Variants in CNTNAP2 observed in about 807,000 individuals in gnomAD.
CNTNAP2 encodes contactin associated protein 2, also known as contactin-associated protein-like 2.
Under a neutral mutation model 155.2 loss-of-function variants are expected in CNTNAP2, and 98 were observed. The observed-to-expected ratio is 0.63, with a 90% confidence interval of 0.54 to 0.75. CNTNAP2 has a LOEUF of 0.75. Among genes scored for constraint, CNTNAP2 ranks in the 30% least tolerant of loss-of-function variants. The pLI, the probability that CNTNAP2 is intolerant of heterozygous loss-of-function variation, is 0.00. For missense variants in CNTNAP2, 1,727 were observed against 1,688.1 expected (o/e 1.02, Z -0.40); for synonymous variants, 651 against 631.2 (o/e 1.03, Z -0.47).
At chr7:148,223,102 C>G (rs1795782007) in intron 19 of CNTNAP2, among the ~76,000 whole-genome samples, 1 of 152,198 alleles carries the variant, frequency 6.6e-6, no homozygotes, top group East Asian at 1.9e-4. Flanking sequence ...ACCCCTCAAG[C>G]ACTCTGTGGT....
chr7:147,742,697 G>A (rs1341679422), intron 13 of CNTNAP2, among the ~76,000 whole-genome samples: 4 of 152,158 alleles, frequency 2.6e-5, no homozygotes, highest in Non-Finnish European at 4.4e-5. Flanking sequence ...AGAATTCTAC[G>A]TATCTTTTCC....
At chr7:147,190,698 AC>A in intron 8 of CNTNAP2, among the ~76,000 whole-genome samples, 1 of 152,346 alleles carries the variant, frequency 6.6e-6, no homozygotes, top group Non-Finnish European at 1.5e-5. Flanking sequence ...ATCACCATGA[AC>A]AATGAGGTAC....
At chr7:146,144,050 C>A (rs1797921157) in intron 1 of CNTNAP2, among the ~76,000 whole-genome samples, 1 of 152,200 alleles carries the variant, frequency 6.6e-6, no homozygotes, top group Non-Finnish European at 1.5e-5. Context: ...GTGTGAGCCA[C>A]CATGCCCAGC....
Position 146,163,569 on chromosome 7 carries a change from A to G in CNTNAP2, c.97+46596A>G, listed in dbSNP as rs1052222395. 3.8e-5 allele frequency among the ~76,000 whole-genome samples: 4 copies of G among 106,654 alleles called. No homozygotes were observed. The South Asian group carries it at 8.8e-4, about 23-fold the overall frequency. The allele number at this position is 106,654 out of a possible 152,430, so 70.0% of individuals were successfully genotyped here. A position where few individuals can be genotyped will look rare whatever the true frequency, so the allele number is the denominator to read the frequency against. ...TATATATCTATATCTATATCTATCT[A>G]TATCTATCTATCTATCTATATATAT... On this transcript the variant is annotated intron_variant, in intron 1 of 23. Coordinates refer to ENST00000361727, the MANE Select transcript of CNTNAP2 (RefSeq NM_014141.6).
At chr7:146,130,690 A>G (rs1347741619) in intron 1 of CNTNAP2, among the ~76,000 whole-genome samples, 1 of 152,202 alleles carries the variant, frequency 6.6e-6, no homozygotes, top group Non-Finnish European at 1.5e-5. Flanking sequence ...ACACTGCTAT[A>G]AAGGAATACC....
chr7:147,851,746 A>T (rs1487330025), intron 13 of CNTNAP2, among the ~76,000 whole-genome samples: 3 of 126,290 alleles, frequency 2.4e-5, no homozygotes, highest in African/African-American at 9.0e-5. Context: ...AACATCACAC[A>T]CCAAGGCCTG....
chr7:148,167,518 C>T (rs939314505), intron 17 of CNTNAP2, among the ~76,000 whole-genome samples: 4 of 151,914 alleles, frequency 2.6e-5, no homozygotes, highest in Non-Finnish European at 4.4e-5. Flanking sequence ...AGTCAGACAT[C>T]GGTGCAAAGA....
At chr7:147,297,510 T>A (rs1794854409) in intron 8 of CNTNAP2, among the ~76,000 whole-genome samples, 1 of 152,108 alleles carries the variant, frequency 6.6e-6, no homozygotes, top group Non-Finnish European at 1.5e-5. Context: ...TTATTTAGAA[T>A]AGCTAGGAAA....
At chr7:146,797,129 C>T (rs1214619623) in intron 2 of CNTNAP2, among the ~76,000 whole-genome samples, 1 of 151,992 alleles carries the variant, frequency 6.6e-6, no homozygotes, top group Non-Finnish European at 1.5e-5. Flanking sequence ...GAGCGAGACT[C>T]CATCTAGAAA....
chr7:148,307,843 C>G (rs929195895), intron 21 of CNTNAP2, among the ~76,000 whole-genome samples: 1 of 152,116 alleles, frequency 6.6e-6, no homozygotes, highest in Admixed American at 6.6e-5. Flanking sequence ...CATCGTGGCA[C>G]ACACCTGTAG....
intron 13 of CNTNAP2, among the ~76,000 whole-genome samples, chr7:147,824,916 A>G (rs968499126): frequency 6.6e-6 from 1 of 152,136 alleles, no homozygotes; most frequent in Non-Finnish European, 1.5e-5. Flanking sequence ...GAAGGCAGAC[A>G]GGGAAAAGAA....
At chr7:148,103,804 C>T (rs1344602913) in intron 15 of CNTNAP2, among the ~76,000 whole-genome samples, 1 of 152,214 alleles carries the variant, frequency 6.6e-6, no homozygotes, top group East Asian at 1.9e-4. Flanking sequence ...AATTTGTTTG[C>T]AGGCTTTCTT....
At chr7:147,823,354 A>C (rs1030294129) in intron 13 of CNTNAP2, among the ~76,000 whole-genome samples, 20 of 151,728 alleles carry the variant, frequency 1.3e-4, no homozygotes, top group African/African-American at 4.8e-4. Flanking sequence ...ATTTCTTGTC[A>C]CTCCCTAGGG....
intron 12 of CNTNAP2, among the ~76,000 whole-genome samples, chr7:147,604,143 C>T (rs1801011544): frequency 6.6e-6 from 1 of 151,960 alleles, no homozygotes; most frequent in Non-Finnish European, 1.5e-5. Flanking sequence ...TAGGCATTAC[C>T]ATTCAGGACA....
intron 8 of CNTNAP2, among the ~76,000 whole-genome samples, chr7:147,225,794 GGAAGGAAA>G (rs1430903822): frequency 6.4e-4 from 43 of 66,688 alleles, no homozygotes; most frequent in South Asian, 4.6e-3. Flanking sequence ...AAGGAAGGAA[GGAAGGAAA>G]GAAAGAAAGA....
intron 1 of CNTNAP2, among the ~76,000 whole-genome samples, chr7:146,352,914 C>T (rs1366237555): frequency 6.6e-6 from 1 of 151,518 alleles, no homozygotes; most frequent in Non-Finnish European, 1.5e-5. Context: ...GCCACCACGC[C>T]CGGCTAATTT....
intron 13 of CNTNAP2, among the ~76,000 whole-genome samples, chr7:147,890,539 T>C (rs1252067365): frequency 6.6e-6 from 1 of 152,226 alleles, no homozygotes; most frequent in Non-Finnish European, 1.5e-5. Flanking sequence ...GTATCTGCAT[T>C]CCCATGTTCA....
intron 1 of CNTNAP2, among the ~76,000 whole-genome samples, chr7:146,572,429 C>G (rs1427060371): frequency 6.6e-6 from 1 of 152,022 alleles, no homozygotes; most frequent in Non-Finnish European, 1.5e-5. Context: ...AAACTATTTA[C>G]TTCCTTCATT....
At chr7:147,498,512 G>A (rs1343562097) in intron 11 of CNTNAP2, among the ~76,000 whole-genome samples, 5 of 152,150 alleles carry the variant, frequency 3.3e-5, no homozygotes, top group African/African-American at 7.2e-5. Flanking sequence ...GAGCTAACAC[G>A]TATTTTAGAA....
Sources: gnomAD v4.1 joint callset for allele counts (sites outside exome capture counted in the v4.1 genomes callset) on GRCh38, gnomAD v4.1.1 for gene constraint, MANE v1.5 for transcripts, NCBI Gene and HGNC (gene_info 2026-07-23, HGNC 2026-07-21) for gene names.